The following MON1A variants were observed in gnomAD, a reference collection of about 807,000 sequenced individuals.
MON1A encodes the protein vacuolar fusion protein MON1 homolog A.
A neutral mutation model predicts 44.6 loss-of-function variants in MON1A; 29 were observed. The ratio of observed to expected loss-of-function variants is 0.65; its 90% CI spans 0.48 to 0.89. MON1A has a LOEUF of 0.89. MON1A is among the 40% of genes least tolerant of loss of function. The pLI is 0.00. For missense variants in MON1A, 615 were observed against 759.6 expected (o/e 0.81, Z 2.24); for synonymous variants, 275 against 316.4 (o/e 0.87, Z 1.39).
At chr3:49,925,150 T>G (rs992225813) in intron 1 of MON1A, among the ~76,000 whole-genome samples, 1 of 152,256 alleles carries the variant, frequency 6.6e-6, no homozygotes, top group Non-Finnish European at 1.5e-5. Flanking sequence ...GGTCTCACTC[T>G]GCCACCCAGG....
intron 1 of MON1A, among the ~76,000 whole-genome samples, chr3:49,919,955 T>G (rs1028136029): frequency 6.6e-6 from 1 of 152,200 alleles, no homozygotes; most frequent in South Asian, 2.1e-4. Flanking sequence ...TGGAGGATCA[T>G]GTACCAGCTC....
Position 49,911,235 on chromosome 3 carries a change from TAGA to T in MON1A, c.613+288_613+290del, listed in dbSNP as rs2082880635. Among the ~76,000 whole-genome samples the T allele has an allele frequency of 8.3e-6, 1 of 120,636 alleles. No homozygotes were observed. The highest frequency in any genetic ancestry group is 3.0e-5 in the African/African-American group (1 of 33,140). The allele number at this position is 120,636 out of a possible 152,430, so 79.1% of individuals were successfully genotyped here. ...ATAGATAGATAGATAGATAGATAGA[TAGA>T]TAGATAGAGTTTGTTGTTGTTGTTG... is the stretch of plus-strand genomic sequence containing the variant. On this transcript the variant is annotated intron_variant, in intron 3 of 5. Transcript: ENST00000296473. This position sits in a 1 kb window ranked among gnomAD's most constrained non-coding sequence, Gnocchi z 5.7.
chr3:49,912,981 C>G (rs533580690), intron 2 of MON1A: 2 of 648,202 alleles, frequency 3.1e-6, no homozygotes, highest in South Asian at 1.6e-5. Context: ...ACACAGGGAA[C>G]AGAAGAGCCC....
intron 1 of MON1A, among the ~76,000 whole-genome samples, chr3:49,917,729 A>G (rs1338506906): frequency 1.3e-5 from 2 of 151,918 alleles, no homozygotes; most frequent in East Asian, 3.9e-4. Flanking sequence ...CTTCCATTTC[A>G]CCGAGAAGAC....
At chr3:49,926,340 G>T (rs371203810) in intron 1 of MON1A, among the ~76,000 whole-genome samples, 7 of 152,160 alleles carry the variant, frequency 4.6e-5, no homozygotes, top group Admixed American at 2.0e-4. Context: ...TGCTGCTCAA[G>T]CATTACCTTA....
Position 49,910,975 on chromosome 3 carries a change from C to T in MON1A, c.614-91G>A, listed in dbSNP as rs944430009. The T allele has an allele frequency of 6.4e-5, 81 of 1,268,968 alleles. 1 individual carries two copies. In the East Asian group the frequency reaches 1.9e-3, roughly 29 times the overall value. 78.6% of individuals were successfully genotyped at this position (1,268,968 alleles called of 1,614,324 possible). On this transcript the variant is annotated intron_variant, in intron 3 of 5. Transcript: ENST00000296473. This position sits in a 1 kb window ranked among gnomAD's most constrained non-coding sequence, Gnocchi z 8.0. ...AGCGCAGCTCTTCGCTTTCCCCATC[C>T]TTTCCTCGCTCAGAGCTCTGCGCAC... is the stretch of plus-strand genomic sequence containing the variant.
chr3:49,911,999 T>C lies in MON1A; in HGVS notation c.140A>G (p.Glu47Gly). The C allele has an allele frequency of 1.9e-6, 3 of 1,581,204 alleles. No homozygotes were observed. The highest frequency in any genetic ancestry group is 2.6e-6 in the Non-Finnish European group (3 of 1,161,416). ...ACGGGCATGGACGAACATGGCACCCTCCTGGCCCGCACCTGCAGGCCAAAA... is the reference window on the plus strand; with the variant it reads ...ACGGGCATGGACGAACATGGCACCCCCCTGGCCCGCACCTGCAGGCCAAAA... The part of the protein sequence containing the change: ...AQGMEPGAGQ[E>G]GAMFVHARSY... Residue 47 changes from glutamate (E) to glycine (G), a missense_variant, in exon 3 of 6, where the codon GAG (glutamate) becomes GGG (glycine). Physicochemically the swap from Glu to Gly is moderately conservative, Grantham distance 98 (BLOSUM62 -2). Coordinates refer to ENST00000296473, the MANE Select transcript of MON1A (RefSeq NM_032355.4). The surrounding 1 kb of genome is among the most constrained non-coding windows in gnomAD (Gnocchi z 5.7).
At chr3:49,923,694 G>T (rs1359690632) in intron 1 of MON1A, among the ~76,000 whole-genome samples, 1 of 151,028 alleles carries the variant, frequency 6.6e-6, no homozygotes, top group Non-Finnish European at 1.5e-5. Context: ...CTTGTGATCT[G>T]CCCACCTTGG....
intron 1 of MON1A, among the ~76,000 whole-genome samples, chr3:49,921,011 C>T (rs1321155081): frequency 6.6e-6 from 1 of 151,864 alleles, no homozygotes; most frequent in African/African-American, 2.4e-5. Context: ...CAAAAATTAG[C>T]CAGGCGTGGT....
chr3:49,911,730 C>T lies in MON1A; in HGVS notation c.409G>A (p.Glu137Lys), dbSNP rs1445639391. Residue 137 changes from glutamate (E) to lysine (K), a missense_variant, in exon 3 of 6, where the codon GAG becomes AAG. Glu to Lys is a moderately conservative substitution (Grantham distance 56, BLOSUM62 1). Coordinates refer to ENST00000296473, the MANE Select transcript of MON1A (RefSeq NM_032355.4). This position sits in a 1 kb window ranked among gnomAD's most constrained non-coding sequence, Gnocchi z 5.7. ...VGRPATEPPR[E>K]GTTEGDEEDA... ...TCCTCATCCCCCTCGGTTGTGCCCT[C>T]CCTGGGGGGCTCTGTGGCTGGTCGC... The T allele has an allele frequency of 6.2e-7, 1 of 1,613,688 alleles. No individual in the cohort carries two copies. Among genetic ancestry groups the T allele is most frequent in the African/African-American group, 1.3e-5 (1 of 74,932 alleles).
rs775037571 is a variant in MON1A at position 49,908,951 on chromosome 3, G to A, written c.*63C>T. On this transcript the variant is annotated 3_prime_UTR_variant, in exon 6 of 6. Coordinates refer to ENST00000296473, the MANE Select transcript of MON1A (RefSeq NM_032355.4). ...GGGCAAGAGAGGCCAGCCCCCATCT[G>A]GAGGCTCCTATGGCTTCCCACACCT... is the stretch of plus-strand genomic sequence containing the variant. The A allele has an allele frequency of 1.2e-4, 177 of 1,537,650 alleles. No individual in the cohort carries two copies. Among genetic ancestry groups the A allele is most frequent in the Non-Finnish European group, 1.5e-4 (167 of 1,139,744 alleles).
Position 49,909,413 on chromosome 3 carries a change from T to C in MON1A, c.1380-13A>G. ...CTCAATCTCAGGGCTGCAGACAGGG[T>C]GGAGGGAGTGGGTTTGCAAAGGAAT... is the stretch of plus-strand genomic sequence containing the variant. On this transcript the variant is annotated splice_polypyrimidine_tract_variant and intron_variant, in intron 4 of 5. Coordinates refer to ENST00000296473, the MANE Select transcript of MON1A (RefSeq NM_032355.4). This position sits in a 1 kb window ranked among gnomAD's most constrained non-coding sequence, Gnocchi z 4.0. The C allele has an allele frequency of 6.2e-7, 1 of 1,613,496 alleles. No individual in the cohort carries two copies. Among genetic ancestry groups the C allele is most frequent in the Non-Finnish European group, 8.5e-7 (1 of 1,179,806 alleles).
rs10564221 is a variant in MON1A, at chr3:49,911,190, T to TTAGATAGATAGATAGATAGA, written c.613+316_614-307dup. Among the ~76,000 whole-genome samples, 8 of 95,554 alleles carry TTAGATAGATAGATAGATAGA rather than the reference T, an allele frequency of 8.4e-5. No homozygotes were observed. The highest frequency in any genetic ancestry group is 2.4e-4 in the East Asian group (1 of 4,178). 62.7% of individuals were successfully genotyped at this position (95,554 alleles called of 152,430 possible). A position where few individuals can be genotyped will look rare whatever the true frequency, so the allele number is the denominator to read the frequency against. Reference sequence around the variant, plus strand: ...GCTCAGGACCTGGGAGATAGATAGATTAGATAGATAGATAGATAGATAGAT... The same window carrying TTAGATAGATAGATAGATAGA: ...GCTCAGGACCTGGGAGATAGATAGATTAGATAGATAGATAGATAGATAGATAGATAGATAGATAGATAGAT... On this transcript the variant is annotated intron_variant, in intron 3 of 5. Coordinates refer to ENST00000296473, the MANE Select transcript of MON1A (RefSeq NM_032355.4). The surrounding 1 kb of genome is among the most constrained non-coding windows in gnomAD (Gnocchi z 5.7).
chr3:49,929,488 T>C, intron 1 of MON1A, 121 bp downstream of exon 1: 1 of 1,161,552 alleles, frequency 8.6e-7, no homozygotes. Context: ...GACACAGTCT[T>C]CCCATTGCAA....
intron 1 of MON1A, chr3:49,929,328 T>G: frequency 1.9e-6 from 1 of 522,620 alleles, no homozygotes. Flanking sequence ...ATGTGTACGT[T>G]TGTTGGCGGG....
rs2082849306 is a variant in MON1A at position 49,909,439 on chromosome 3, G to A, written c.1380-39C>T. The A allele has an allele frequency of 3.7e-6, 6 of 1,611,254 alleles. No homozygotes were observed. The highest frequency in any genetic ancestry group is 3.4e-6 in the Non-Finnish European group (4 of 1,178,800). ...GGAGGGAGTGGGTTTGCAAAGGAAT[G>A]ACTTCCACTGTCTTCTCTAGAGATT... On this transcript the variant is annotated intron_variant, in intron 4 of 5. Coordinates refer to ENST00000296473, the MANE Select transcript of MON1A (RefSeq NM_032355.4). This position sits in a 1 kb window ranked among gnomAD's most constrained non-coding sequence, Gnocchi z 4.0.
intron 1 of MON1A, among the ~76,000 whole-genome samples, chr3:49,915,424 G>C (rs1239841876): frequency 2.0e-5 from 3 of 152,154 alleles, no homozygotes; most frequent in Non-Finnish European, 2.9e-5. Context: ...AGCTACTAGA[G>C]AGACTAACAT....
At chr3:49,915,159 C>T (rs1381703041) in intron 1 of MON1A, among the ~76,000 whole-genome samples, 1 of 152,204 alleles carries the variant, frequency 6.6e-6, no homozygotes, top group Non-Finnish European at 1.5e-5. Context: ...GATGAAAGAA[C>T]TGATACTGAG....
chr3:49,910,691 CGA>C lies in MON1A; in HGVS notation c.805_806del (p.Ser269GlyfsTer84), dbSNP rs758384025. 40 of 1,612,044 alleles carry C rather than the reference CGA, an allele frequency of 2.5e-5. No homozygotes were observed. Among genetic ancestry groups the C allele is most frequent in the Non-Finnish European group, 3.2e-5 (38 of 1,179,064 alleles). The part of the protein sequence containing the change: ...KQNYDLRRLL[S>X]GSERITDNLL... Reference sequence around the variant, plus strand: ...GGTTGTCGGTGATGCGCTCTGAGCCCGAGAGTAGGCGCCGCAAATCATAGTTC... The same window carrying C: ...GGTTGTCGGTGATGCGCTCTGAGCCCGAGTAGGCGCCGCAAATCATAGTTC... On this transcript the variant is annotated frameshift_variant, in exon 4 of 6. Transcript: ENST00000296473. LOFTEE classifies it high-confidence loss of function. This position sits in a 1 kb window ranked among gnomAD's most constrained non-coding sequence, Gnocchi z 8.0.
Sources: gnomAD v4.1 joint callset for allele counts (sites outside exome capture counted in the v4.1 genomes callset) on GRCh38, gnomAD v4.1.1 for gene constraint, Gnocchi (gnomAD v3.1) non-coding constraint, MANE v1.5 for transcripts, NCBI Gene and HGNC (gene_info 2026-07-23, HGNC 2026-07-21) for gene names.